Variants in AKAP8L observed in about 807,000 individuals in gnomAD.
AKAP8L encodes the protein A-kinase anchor protein 8-like.
Under a neutral mutation model 77.5 loss-of-function variants are expected in AKAP8L, and 34 were observed. The ratio of observed to expected loss-of-function variants is 0.44; its 90% CI spans 0.33 to 0.58. AKAP8L has a LOEUF of 0.58. Ranked by LOEUF, AKAP8L falls within the 20% of genes least tolerant of loss-of-function variation. The probability of loss-of-function intolerance (pLI) is 0.02; values close to 1 mark genes in which losing one functional copy is unlikely to be tolerated. For missense variants in AKAP8L, 806 were observed against 887.6 expected, an observed-to-expected ratio of 0.91 and a Z score of 1.17; for synonymous variants, 342 against 340.7, an observed-to-expected ratio of 1.00 and a Z score of -0.04.
At position 15,399,512 on chromosome 19, in the gene AKAP8L, A is replaced by G. The variant is rs1403578706; in HGVS notation, c.1049-102T>C. The G allele has an allele frequency of 2.6e-5, 22 of 851,452 alleles. No homozygotes were observed. In the East Asian group the frequency reaches 5.2e-4, roughly 20 times the overall value. The allele number at this position is 851,452 out of a possible 1,614,324, so 52.7% of individuals were successfully genotyped here. A position where few individuals can be genotyped will look rare whatever the true frequency, so the allele number is the denominator to read the frequency against. On this transcript the variant is annotated intron_variant, in intron 8 of 13. Transcript: ENST00000397410. This position sits in a 1 kb window ranked among gnomAD's most constrained non-coding sequence, Gnocchi z 6.1. ...ACCCACTGTCCACTCCAGAGGGTCC[A>G]TCGAGAATAGCTGTCCAAGCAAGGC...
intron 12 of AKAP8L, among the ~76,000 whole-genome samples, chr19:15,392,722 C>A (rs1394612160): frequency 6.6e-6 from 1 of 151,116 alleles, no homozygotes; most frequent in Admixed American, 6.6e-5. Flanking sequence ...CATGGTGAAA[C>A]CCTGTCTACC....
At chr19:15,415,319 T>C (rs1312897111) in intron 1 of AKAP8L, among the ~76,000 whole-genome samples, 2 of 151,930 alleles carry the variant, frequency 1.3e-5, no homozygotes, top group Non-Finnish European at 2.9e-5. Flanking sequence ...TCACAGCTAC[T>C]TGGGAGGCTG....
At chr19:15,387,034 G>A (rs942138706) in intron 12 of AKAP8L, among the ~76,000 whole-genome samples, 1 of 152,194 alleles carries the variant, frequency 6.6e-6, no homozygotes, top group South Asian at 2.1e-4. Flanking sequence ...AGCTGAGAGA[G>A]AACGGTTCCT....
At chr19:15,408,478 G>A (rs1357033857) in intron 2 of AKAP8L, among the ~76,000 whole-genome samples, 1 of 151,276 alleles carries the variant, frequency 6.6e-6, no homozygotes, top group Non-Finnish European at 1.5e-5. Context: ...CACAAGAATA[G>A]CTTGAATCTG....
At chr19:15,416,122 T>G (rs368367120) in intron 1 of AKAP8L, among the ~76,000 whole-genome samples, 2 of 150,004 alleles carry the variant, frequency 1.3e-5, no homozygotes, top group African/African-American at 5.0e-5. Context: ...CCACCGTGCC[T>G]GATCTAAAAA....
chr19:15,401,237 C>T lies in AKAP8L; in HGVS notation c.729G>A (p.Pro243=), dbSNP rs188523137. The change falls in exon 5 of 14, where the codon CCG becomes CCA. Residue 243 remains proline (P), a synonymous_variant. Coordinates refer to ENST00000397410, the MANE Select transcript of AKAP8L (RefSeq NM_014371.4). This position sits in a 1 kb window ranked among gnomAD's most constrained non-coding sequence, Gnocchi z 6.2. ...FQGMRGGGAF[P]GGSRFGFGFG... is the part of the protein sequence containing the mutation. ...ACCCGAAACCAAAGCGGGAGCCGCC[C>T]GGGAAGGCGCCCCCACCTCGCATGC... is the stretch of plus-strand genomic sequence containing the variant. 22 of 1,613,488 alleles carry T rather than the reference C, an allele frequency of 1.4e-5. No homozygotes were observed. The East Asian group carries it at 2.7e-4, about 20-fold the overall frequency.
chr19:15,389,636 TG>T (rs1445520047), intron 12 of AKAP8L, among the ~76,000 whole-genome samples: 1 of 152,140 alleles, frequency 6.6e-6, no homozygotes, highest in Non-Finnish European at 1.5e-5. Context: ...CCGGGCATGG[TG>T]GTGTGCACCT....
At chr19:15,404,169 CT>C in intron 2 of AKAP8L, 127 bp from the exon 3 acceptor site, 1 of 932,352 alleles carries the variant, frequency 1.1e-6, no homozygotes, top group Admixed American at 2.4e-5. Context: ...ACCGAGAAGC[CT>C]TGAGCTCGCG....
chr19:15,399,107 C>T lies in AKAP8L; in HGVS notation c.1157+195G>A, dbSNP rs1412328174. ...CCCACAGACGCCAGCGGTCGCCAGGCGGCCGCAGAGGGGCAGGGGATGAGT... is the reference window on the plus strand; with the variant it reads ...CCCACAGACGCCAGCGGTCGCCAGGTGGCCGCAGAGGGGCAGGGGATGAGT... On this transcript the variant is annotated intron_variant, in intron 9 of 13. Transcript: ENST00000397410. The surrounding 1 kb of genome is among the most constrained non-coding windows in gnomAD (Gnocchi z 6.1). The T allele has an allele frequency of 8.3e-6, 5 of 600,106 alleles. No homozygotes were observed. Among genetic ancestry groups the T allele is most frequent in the East Asian group, 5.8e-5 (2 of 34,512 alleles). The allele number at this position is 600,106 out of a possible 1,614,324, so 37.2% of individuals were successfully genotyped here.
intron 2 of AKAP8L, chr19:15,404,401 G>T: frequency 4.3e-6 from 1 of 232,802 alleles, no homozygotes; most frequent in Non-Finnish European, 8.4e-6. Flanking sequence ...AGTCTCCCAA[G>T]AGTCTGCCTT....
chr19:15,404,106 G>A (rs950284221), intron 2 of AKAP8L, 64 bp from the exon 3 acceptor site: 52 of 1,542,976 alleles, frequency 3.4e-5, no homozygotes, highest in Middle Eastern at 3.4e-4. Context: ...TAATTCAGGC[G>A]CAGACAATTA....
At position 15,397,404 on chromosome 19, in the gene AKAP8L, A is replaced by C; in HGVS notation, c.1405+116T>G. ...TGCCACTTCCACCTGGGCCTGAGCCAAGGCTGGTCTCCTGACCTTCCCTGG... is the reference window on the plus strand; with the variant it reads ...TGCCACTTCCACCTGGGCCTGAGCCCAGGCTGGTCTCCTGACCTTCCCTGG... On this transcript the variant is annotated intron_variant, in intron 11 of 13. Coordinates refer to ENST00000397410, the MANE Select transcript of AKAP8L (RefSeq NM_014371.4). This position sits in a 1 kb window ranked among gnomAD's most constrained non-coding sequence, Gnocchi z 4.7. The C allele has an allele frequency of 6.7e-7, 1 of 1,496,324 alleles. No homozygotes were observed. Among genetic ancestry groups the C allele is most frequent in the African/African-American group, 1.4e-5 (1 of 72,200 alleles). 92.7% of individuals were successfully genotyped at this position (1,496,324 alleles called of 1,614,324 possible).
chr19:15,380,589 C>G lies in AKAP8L; in HGVS notation c.1560G>C (p.Lys520Asn), dbSNP rs1206870565. 6.2e-7 allele frequency: 1 copy of G among 1,613,744 alleles called. No individual in the cohort carries two copies. Among genetic ancestry groups the G allele is most frequent in the Non-Finnish European group, 8.5e-7 (1 of 1,179,888 alleles). ...NRRLMMEQSKKSSLMVARSIL... is the reference protein window; with the variant it reads ...NRRLMMEQSKNSSLMVARSIL... ...TACTGCGGGCCACCATGAGGGAGGA[C>G]TTCTTGGACTGCTCCATCATGAGCT... Residue 520 changes from lysine to asparagine, a missense_variant, in exon 13 of 14, where the codon AAG (lysine) becomes AAC (asparagine). This residue lies in a region of AKAP8L where 226 missense variants were observed against 193.5 expected (regional missense o/e 1.17). Transcript: ENST00000397410.
Position 15,399,806 on chromosome 19 carries a change from C to A in AKAP8L, c.1049-396G>T. 1 of 322,240 alleles carries A rather than the reference C, an allele frequency of 3.1e-6. No individual in the cohort carries two copies. Among genetic ancestry groups the A allele is most frequent in the Non-Finnish European group, 5.9e-6 (1 of 169,830 alleles). 20.0% of individuals were successfully genotyped at this position (322,240 alleles called of 1,614,324 possible). A position where few individuals can be genotyped will look rare whatever the true frequency, so the allele number is the denominator to read the frequency against. Reference sequence around the variant, plus strand: ...AACCGGGCACCGCGGCAACAGTGGGCTGACGCTGGATTTGCTGTTAGGTAC... The same window carrying A: ...AACCGGGCACCGCGGCAACAGTGGGATGACGCTGGATTTGCTGTTAGGTAC... On this transcript the variant is annotated intron_variant, in intron 8 of 13. Coordinates refer to ENST00000397410, the MANE Select transcript of AKAP8L (RefSeq NM_014371.4). The surrounding 1 kb of genome is among the most constrained non-coding windows in gnomAD (Gnocchi z 6.1).
At chr19:15,418,618 G>A (rs543032631) in intron 1 of AKAP8L, among the ~76,000 whole-genome samples, 202 of 152,358 alleles carry the variant, frequency 1.3e-3, no homozygotes, top group African/African-American at 4.7e-3. Context: ...GGCCAGGGAC[G>A]GAGGTGGTGG....
Position 15,399,550 on chromosome 19 carries a change from G to T in AKAP8L, c.1049-140C>A. ...GTCCAAGCAAGGCCTCTGGCCATGAGCAGGGCTGGGTATCCTGGGCTGTGC... is the reference window on the plus strand; with the variant it reads ...GTCCAAGCAAGGCCTCTGGCCATGATCAGGGCTGGGTATCCTGGGCTGTGC... On this transcript the variant is annotated intron_variant, in intron 8 of 13. Coordinates refer to ENST00000397410, the MANE Select transcript of AKAP8L (RefSeq NM_014371.4). The surrounding 1 kb of genome is among the most constrained non-coding windows in gnomAD (Gnocchi z 6.1). 1 of 691,576 alleles carries T rather than the reference G, an allele frequency of 1.4e-6. No homozygotes were observed. Among genetic ancestry groups the T allele is most frequent in the Non-Finnish European group, 2.6e-6 (1 of 387,016 alleles). The allele number at this position is 691,576 out of a possible 1,614,324, so 42.8% of individuals were successfully genotyped here. A position where few individuals can be genotyped will look rare whatever the true frequency, so the allele number is the denominator to read the frequency against.
intron 12 of AKAP8L, among the ~76,000 whole-genome samples, chr19:15,395,979 G>A (rs1279039343): frequency 5.6e-4 from 5 of 8,948 alleles, no homozygotes; most frequent in African/African-American, 7.9e-4. Context: ...GCGAGACTCC[G>A]TCTCAAAAAA....
chr19:15,388,806 C>T (rs550658576), intron 12 of AKAP8L, among the ~76,000 whole-genome samples: 35 of 151,516 alleles, frequency 2.3e-4, no homozygotes, highest in African/African-American at 8.5e-4. Context: ...GTCCCAGCTA[C>T]TCCGGAGGCT....
intron 2 of AKAP8L, among the ~76,000 whole-genome samples, chr19:15,407,081 C>A (rs1479026997): frequency 2.0e-5 from 3 of 151,994 alleles, no homozygotes; most frequent in Non-Finnish European, 4.4e-5. Flanking sequence ...CATAGCAAAA[C>A]CCCATCTCTA....
Sources: allele counts gnomAD v4.1 joint callset (sites outside exome capture counted in the v4.1 genomes callset), GRCh38; gene constraint gnomAD v4.1.1; regional missense constraint gnomAD v4.1.1; non-coding constraint Gnocchi (gnomAD v3.1); transcripts MANE v1.5; gene names NCBI Gene and HGNC (gene_info 2026-07-23, HGNC 2026-07-21).